Variants in TTC12 observed in about 807,000 individuals in gnomAD.
TTC12 encodes the protein tetratricopeptide repeat domain 12.
In TTC12, 70 loss-of-function variants were observed where a neutral mutation model predicts 90.1. The observed-to-expected ratio is 0.78, with a 90% confidence interval of 0.64 to 0.95. The LOEUF is 0.95. Among genes scored for constraint, TTC12 ranks in the 40% least tolerant of loss-of-function variants. The probability of loss-of-function intolerance (pLI) is 0.00; values close to 1 mark genes in which losing one functional copy is unlikely to be tolerated. For synonymous variants in TTC12, 296 were observed against 311.5 expected (o/e 0.95, Z 0.53); for missense variants, 819 against 846.1 (o/e 0.97, Z 0.40).
At position 113,373,112 on chromosome 11, in the gene TTC12, C is replaced by G. The variant is rs184628252; in HGVS notation, c.*121-12C>G. ...TAATGAAACGGGTTCTATCATTATT[C>G]TCCCTTTACAGATGAGGAAACTGAG... On this transcript the variant is annotated splice_polypyrimidine_tract_variant and intron_variant, in intron 21 of 21. Coordinates refer to the TTC12 transcript ENST00000314756. The G allele has an allele frequency of 2.0e-5, 15 of 766,560 alleles. No individual in the cohort carries two copies. In the East Asian group the frequency reaches 1.7e-3, roughly 86 times the overall value. The allele number at this position is 766,560 out of a possible 1,614,324, so 47.5% of individuals were successfully genotyped here. A position where few individuals can be genotyped will look rare whatever the true frequency, so the allele number is the denominator to read the frequency against.
chr11:113,340,300 G>A (rs1948611504), intron 10 of TTC12, among the ~76,000 whole-genome samples: 1 of 152,184 alleles, frequency 6.6e-6, no homozygotes, highest in African/African-American at 2.4e-5. Flanking sequence ...CTTGGAAATA[G>A]CTTTGAAATA....
At chr11:113,316,353 G>C (rs374277538) in intron 2 of TTC12, 38 bp downstream of exon 2, 2 of 1,086,856 alleles carry the variant, frequency 1.8e-6, no homozygotes, top group Non-Finnish European at 2.5e-6. Context: ...TTCTGCTTTA[G>C]AGAAGTGGAG....
rs1947462280 is a variant in TTC12, at chr11:113,323,284, C to G, written c.59-4C>G. 5 of 1,593,262 alleles carry G rather than the reference C, an allele frequency of 3.1e-6. No individual in the cohort carries two copies. Among genetic ancestry groups the G allele is most frequent in the Non-Finnish European group, 1.7e-6 (2 of 1,172,290 alleles). On this transcript the variant is annotated splice_polypyrimidine_tract_variant and splice_region_variant and intron_variant, in intron 2 of 21. Transcript: ENST00000529221. ...GATTAAGTCACACCTGATTTCTTCT[C>G]TAGCCAATTTAATTCAGGAGATGAA...
In TTC12 at chr11:113,323,382, C is replaced by T. The variant is rs1478892110; in HGVS notation, c.153C>T (p.Asp51=). The T allele has an allele frequency of 4.3e-6, 7 of 1,612,996 alleles. No homozygotes were observed. The highest frequency in any genetic ancestry group is 5.9e-6 in the Non-Finnish European group (7 of 1,179,664). Residue 51 remains aspartate (D), a synonymous_variant, in exon 3 of 22, where the codon GAC becomes GAT. Coordinates refer to ENST00000529221, the MANE Select transcript of TTC12 (RefSeq NM_017868.4). Reference sequence around the variant, plus strand: ...AGAGACTACTGCTTATGGAGGAAGACCAGGAGGAGGATGAATGCAGGACCA... The same window carrying T: ...AGAGACTACTGCTTATGGAGGAAGATCAGGAGGAGGATGAATGCAGGACCA... ...TEKRLLLMEE[D]QEEDECRTTL... is the part of the protein sequence containing the mutation.
chr11:113,332,418 G>A (rs1466751279), intron 7 of TTC12, among the ~76,000 whole-genome samples: 1 of 152,188 alleles, frequency 6.6e-6, no homozygotes, highest in Non-Finnish European at 1.5e-5. Context: ...AATGCTTGGG[G>A]CTCGGTTTCC....
At chr11:113,335,108 A>G in intron 8 of TTC12, 71 bp downstream of exon 8, 3 of 1,118,058 alleles carry the variant, frequency 2.7e-6, no homozygotes, top group Non-Finnish European at 4.1e-6. Flanking sequence ...CTAGAGGAGA[A>G]CCATGATTCT....
chr11:113,358,572 C>T (rs1591192936), intron 16 of TTC12, among the ~76,000 whole-genome samples: 1 of 152,170 alleles, frequency 6.6e-6, no homozygotes, highest in Non-Finnish European at 1.5e-5. Flanking sequence ...CTGCAGAGTT[C>T]AGGTCTGATG....
exon 22 of TTC12, chr11:113,373,158 T>C (rs942884186): frequency 1.2e-5 from 12 of 984,794 alleles, no homozygotes; most frequent in Non-Finnish European, 1.4e-5. Context: ...GTTAAGCAAC[T>C]GGTCCAAGAT....
At chr11:113,367,370 A>T (rs1244867718), downstream of TTC12, among the ~76,000 whole-genome samples, 1 of 151,924 alleles carries the variant, frequency 6.6e-6, no homozygotes, top group African/African-American at 2.4e-5. Context: ...TGCCCAACCT[A>T]CCTCCTCCAT....
At chr11:113,333,670 A>G (rs944593277) in intron 7 of TTC12, among the ~76,000 whole-genome samples, 6 of 152,186 alleles carry the variant, frequency 3.9e-5, no homozygotes, top group Non-Finnish European at 8.8e-5. Flanking sequence ...CATATGAACC[A>G]TAAAGCTCAG....
At chr11:113,359,800 C>T in intron 17 of TTC12, 140 bp from the exon 18 acceptor site, 1 of 656,606 alleles carries the variant, frequency 1.5e-6, no homozygotes, top group Non-Finnish European at 2.7e-6. Flanking sequence ...GGAATAAAAG[C>T]AGTAAAAGAT....
intron 6 of TTC12, among the ~76,000 whole-genome samples, chr11:113,328,878 A>T (rs782548340): frequency 1.3e-5 from 2 of 152,186 alleles, no homozygotes; most frequent in Non-Finnish European, 2.9e-5. Flanking sequence ...AAATGAAATC[A>T]TACATTTGTC....
chr11:113,346,159 C>T (rs1948942406), intron 13 of TTC12, among the ~76,000 whole-genome samples: 1 of 152,156 alleles, frequency 6.6e-6, no homozygotes, highest in South Asian at 2.1e-4. Context: ...TGAATGTGTG[C>T]TGGCCAAGGG....
chr11:113,362,203 T>C (rs1555155381), intron 18 of TTC12, among the ~76,000 whole-genome samples, 198 bp from the exon 19 acceptor site: 1 of 152,144 alleles, frequency 6.6e-6, no homozygotes, highest in Admixed American at 6.6e-5. Flanking sequence ...GGCCTCTGGG[T>C]GGCAAGGGGC....
intron 21 of TTC12, among the ~76,000 whole-genome samples, chr11:113,372,433 A>T (rs1334619260): frequency 2.0e-5 from 3 of 152,178 alleles, no homozygotes; most frequent in Non-Finnish European, 2.9e-5. Flanking sequence ...ACAACTGTCT[A>T]CAAGATAAAG....
chr11:113,365,223 A>G (rs1950145219), intron 21 of TTC12, among the ~76,000 whole-genome samples, 163 bp downstream of exon 21: 1 of 152,154 alleles, frequency 6.6e-6, no homozygotes, highest in Non-Finnish European at 1.5e-5. Flanking sequence ...CTCTGAAGAA[A>G]GCCTTTCTAG....
At chr11:113,368,437 C>T (rs1468718296), downstream of TTC12, 2 of 1,550,454 alleles carry the variant, frequency 1.3e-6, no homozygotes, top group Admixed American at 3.9e-5. Context: ...GCCCCGACAC[C>T]ACCCTTGGAG....
intron 6 of TTC12, among the ~76,000 whole-genome samples, chr11:113,328,058 T>C (rs1947801704): frequency 6.6e-6 from 1 of 152,200 alleles, no homozygotes; most frequent in Non-Finnish European, 1.5e-5. Flanking sequence ...CTCATGAGGT[T>C]CGTTGTTAAG....
chr11:113,330,293 C>G (rs1947973206), intron 7 of TTC12, among the ~76,000 whole-genome samples: 1 of 152,236 alleles, frequency 6.6e-6, no homozygotes, highest in African/African-American at 2.4e-5. Flanking sequence ...CTTCTGTCTT[C>G]TAGAGCCAGC....
Sources: gnomAD v4.1 joint callset for allele counts (sites outside exome capture counted in the v4.1 genomes callset) on GRCh38, gnomAD v4.1.1 for gene constraint, MANE v1.5 for transcripts, NCBI Gene and HGNC (gene_info 2026-07-23, HGNC 2026-07-21) for gene names.